Variants in FRMD4B observed in about 807,000 individuals in gnomAD.
FRMD4B encodes FERM domain containing 4B.
FRMD4B carries 74 observed loss-of-function variants against 141.5 expected under a neutral mutation model. The ratio of observed to expected loss-of-function variants is 0.52; its 90% CI spans 0.43 to 0.63. FRMD4B has a LOEUF of 0.63. Among genes scored for constraint, FRMD4B ranks in the 30% least tolerant of loss-of-function variants. The probability of loss-of-function intolerance (pLI) is 0.00; values close to 1 mark genes in which losing one functional copy is unlikely to be tolerated. For synonymous variants in FRMD4B, 506 were observed against 467.9 expected, an observed-to-expected ratio of 1.08 and a Z score of -1.05; for missense variants, 1,366 against 1,253.4, an observed-to-expected ratio of 1.09 and a Z score of -1.36.
intron 7 of FRMD4B, among the ~76,000 whole-genome samples, chr3:69,247,351 T>G (rs2106760454): frequency 6.6e-6 from 1 of 152,244 alleles, no homozygotes; most frequent in Admixed American, 6.5e-5. Context: ...AACCCTCATT[T>G]ACAAATTGAC....
chr3:69,387,721 C>T (rs540901658), upstream of FRMD4B, among the ~76,000 whole-genome samples: 3 of 152,288 alleles, frequency 2.0e-5, no homozygotes, highest in South Asian at 2.1e-4. Flanking sequence ...AGTCAAAAGA[C>T]GAAGAACACA....
chr3:69,370,690 G>C (rs1046547262), intron 1 of FRMD4B, among the ~76,000 whole-genome samples: 1 of 152,114 alleles, frequency 6.6e-6, no homozygotes, highest in African/African-American at 2.4e-5. Flanking sequence ...CGTTGCCTTC[G>C]GGCAGAGTTC....
chr3:69,176,417 G>C, intron 22 of FRMD4B, 107 bp downstream of exon 22: 1 of 905,168 alleles, frequency 1.1e-6, no homozygotes, highest in Admixed American at 2.1e-5. Flanking sequence ...CCACAGGCTA[G>C]AGTTTGCCAA....
At chr3:69,211,022 C>CAAAAAAAAAAA (rs1559720205) in intron 11 of FRMD4B, among the ~76,000 whole-genome samples, 5 of 3,366 alleles carry the variant, frequency 1.5e-3, no homozygotes, top group African/African-American at 3.0e-3. Context: ...AATGCCATCT[C>CAAAAAAAAAAA]GAAAAAAAAA....
chr3:69,286,128 C>G (rs1376427675), intron 5 of FRMD4B, among the ~76,000 whole-genome samples: 1 of 152,082 alleles, frequency 6.6e-6, no homozygotes, highest in East Asian at 1.9e-4. Context: ...CACTAGTATG[C>G]CCACACTATA....
Position 69,182,754 on chromosome 3 carries a change from G to A in FRMD4B, c.1920-37C>T, listed in dbSNP as rs758162391. 5 of 1,602,638 alleles carry A rather than the reference G, an allele frequency of 3.1e-6. No homozygotes were observed. In the Admixed American group the frequency reaches 5.2e-5, roughly 17 times the overall value. ...AAAAGAAGAATTCAGGAAATGATGA[G>A]TCTCTCAACATCTCTGGCAAACTTG... On this transcript the variant is annotated intron_variant, in intron 19 of 22. Coordinates refer to ENST00000398540, the MANE Select transcript of FRMD4B (RefSeq NM_015123.3).
chr3:69,303,476 G>A (rs1701285225), intron 3 of FRMD4B, among the ~76,000 whole-genome samples: 1 of 152,118 alleles, frequency 6.6e-6, no homozygotes, highest in Non-Finnish European at 1.5e-5. Flanking sequence ...ATATGTGCAT[G>A]TATATATTAC....
At chr3:69,336,485 T>C (rs928882215) in intron 1 of FRMD4B, 1 of 152,206 alleles carries the variant, frequency 6.6e-6, no homozygotes, top group Non-Finnish European at 1.5e-5. Flanking sequence ...GGGCTATATA[T>C]AAAGGATAAG....
At chr3:69,349,303 A>G (rs1703054376) in intron 1 of FRMD4B, among the ~76,000 whole-genome samples, 4 of 152,168 alleles carry the variant, frequency 2.6e-5, no homozygotes, top group African/African-American at 7.2e-5. Flanking sequence ...ACTACAAACC[A>G]CTGCTCAATG....
intron 1 of FRMD4B, among the ~76,000 whole-genome samples, chr3:69,352,086 G>C (rs1374923667): frequency 6.6e-6 from 1 of 152,116 alleles, no homozygotes; most frequent in Non-Finnish European, 1.5e-5. Flanking sequence ...CTCTGGAGTG[G>C]GACTTGGTAT....
intron 7 of FRMD4B, among the ~76,000 whole-genome samples, chr3:69,248,207 T>G (rs1223483324): frequency 6.6e-6 from 1 of 151,934 alleles, no homozygotes; most frequent in Non-Finnish European, 1.5e-5. Context: ...TTGATTTTCA[T>G]GATTTCTTCA....
intron 1 of FRMD4B, among the ~76,000 whole-genome samples, chr3:69,377,954 G>A (rs1452467959): frequency 6.6e-6 from 1 of 150,602 alleles, no homozygotes; most frequent in African/African-American, 2.4e-5. Flanking sequence ...GGGACTACAG[G>A]TGTGTGCCAC....
chr3:69,410,122 C>T (rs1704728508), intron 2 of FRMD4B, among the ~76,000 whole-genome samples: 1 of 152,310 alleles, frequency 6.6e-6, no homozygotes, highest in African/African-American at 2.4e-5. Flanking sequence ...GGCTTGCTTC[C>T]CTCAGACTGT....
intron 1 of FRMD4B, 46 bp downstream of exon 1, chr3:69,385,782 C>G: frequency 2.1e-6 from 3 of 1,462,022 alleles, no homozygotes; most frequent in Non-Finnish European, 2.7e-6. Flanking sequence ...CCCACGAGTG[C>G]CCGGCATCCT....
At chr3:69,384,153 AC>A (rs1178196892) in intron 1 of FRMD4B, among the ~76,000 whole-genome samples, 1 of 152,146 alleles carries the variant, frequency 6.6e-6, no homozygotes, top group Admixed American at 6.6e-5. Context: ...TGGCTCAGTC[AC>A]CATCCATTTT....
At chr3:69,508,046 C>T (rs186168854) in intron 1 of FRMD4B, among the ~76,000 whole-genome samples, 44 of 152,072 alleles carry the variant, frequency 2.9e-4, no homozygotes, top group Admixed American at 9.2e-4. Context: ...CTTTATTCAC[C>T]CTGGTTCAGA....
intron 3 of FRMD4B, among the ~76,000 whole-genome samples, chr3:69,308,594 T>C (rs935380176): frequency 3.3e-5 from 5 of 151,946 alleles, no homozygotes; most frequent in African/African-American, 1.2e-4. Context: ...TGCACCATCA[T>C]GCCCCCTTAA....
At chr3:69,210,282 C>T (rs139747558) in intron 11 of FRMD4B, among the ~76,000 whole-genome samples, 4 of 152,344 alleles carry the variant, frequency 2.6e-5, no homozygotes, top group Admixed American at 6.5e-5. Context: ...AAGTATTTGC[C>T]GAAGGGATAC....
At chr3:69,461,616 T>A (rs1705708126) in intron 1 of FRMD4B, among the ~76,000 whole-genome samples, 1 of 93,118 alleles carries the variant, frequency 1.1e-5, no homozygotes, top group Non-Finnish European at 1.9e-5. Flanking sequence ...AAAGTGAGAC[T>A]CTGTCTCAAA....
Sources: allele counts gnomAD v4.1 joint callset (sites outside exome capture counted in the v4.1 genomes callset), GRCh38; gene constraint gnomAD v4.1.1; transcripts MANE v1.5; gene names NCBI Gene and HGNC (gene_info 2026-07-23, HGNC 2026-07-21).